PAX5: variants seen among roughly 807,000 people sequenced by gnomAD.
PAX5 encodes the protein paired box protein Pax-5.
A neutral mutation model predicts 43.7 loss-of-function variants in PAX5; 9 were observed. The observed-to-expected ratio is 0.21, with a 90% confidence interval of 0.12 to 0.36. PAX5 has a LOEUF of 0.36. PAX5 is among the 10% of genes least tolerant of loss of function. The probability of loss-of-function intolerance (pLI) is 1.00; values close to 1 mark genes in which losing one functional copy is unlikely to be tolerated. For synonymous variants in PAX5, 228 were observed against 214.3 expected (o/e 1.06, Z -0.56); for missense variants, 383 against 532.7 (o/e 0.72, Z 2.77).
chr9:36,899,074 A>G (rs1263640190), intron 7 of PAX5, among the ~76,000 whole-genome samples: 2 of 152,226 alleles, frequency 1.3e-5, no homozygotes, highest in Non-Finnish European at 2.9e-5. Context: ...CTGGGGTGGT[A>G]TAGGTTCCAG....
intron 5 of PAX5, among the ~76,000 whole-genome samples, chr9:36,974,839 G>A (rs1490863157): frequency 5.9e-5 from 9 of 151,972 alleles, no homozygotes; most frequent in Non-Finnish European, 1.0e-4. Context: ...CCGAGGCCTC[G>A]ACGACCTGCC....
Position 37,034,185 on chromosome 9 carries a change from TGGGGTAGCTGATCACTGAGC to T in PAX5, c.-174_-155del, listed in dbSNP as rs2132595760. The T allele has an allele frequency of 1.7e-6, 1 of 587,540 alleles. No homozygotes were observed. The highest frequency in any genetic ancestry group is 2.1e-5 in the South Asian group (1 of 46,908). The allele number at this position is 587,540 out of a possible 1,614,324, so 36.4% of individuals were successfully genotyped here. A position where few individuals can be genotyped will look rare whatever the true frequency, so the allele number is the denominator to read the frequency against. On this transcript the variant is annotated 5_prime_UTR_variant, in exon 1 of 10. Transcript: ENST00000358127. ...CAAGCCTTCCGCTCCCCCGCCGAGC[TGGGGTAGCTGATCACTGAGC>T]TGAAACTAAACGTTTTAGGTGGAAA...
At chr9:36,961,256 G>A (rs1833953332) in intron 6 of PAX5, among the ~76,000 whole-genome samples, 1 of 152,228 alleles carries the variant, frequency 6.6e-6, no homozygotes, top group South Asian at 2.1e-4. Context: ...CCACTGAGGG[G>A]GCAAAGCAGC....
intron 6 of PAX5, among the ~76,000 whole-genome samples, chr9:36,946,029 C>T (rs1284463100): frequency 6.6e-6 from 1 of 152,194 alleles, no homozygotes; most frequent in South Asian, 2.1e-4. Context: ...CCTAAAGGAA[C>T]AGCACGCAGG....
chr9:36,989,136 C>T (rs1196858232), intron 5 of PAX5, among the ~76,000 whole-genome samples: 1 of 152,166 alleles, frequency 6.6e-6, no homozygotes, highest in Non-Finnish European at 1.5e-5. Flanking sequence ...ATGGCGTACC[C>T]CTGAGTGATG....
chr9:36,986,829 C>G (rs1351750153), intron 5 of PAX5, among the ~76,000 whole-genome samples: 2 of 152,342 alleles, frequency 1.3e-5, no homozygotes, highest in East Asian at 3.9e-4. Context: ...TGGGATATGA[C>G]TCGGTGCGCC....
chr9:36,922,449 T>C lies in PAX5; in HGVS notation c.910+906A>G, dbSNP rs373324061. Among the ~76,000 whole-genome samples the C allele has an allele frequency of 3.3e-5, 5 of 152,284 alleles. No homozygotes were observed. The East Asian group carries it at 9.7e-4, about 29-fold the overall frequency. Reference sequence around the variant, plus strand: ...CCTGCCCGGTTGGACAACCAAGAGCTGGCAGCTGAGTCTGTCCACATGGAG... The same window carrying C: ...CCTGCCCGGTTGGACAACCAAGAGCCGGCAGCTGAGTCTGTCCACATGGAG... On this transcript the variant is annotated intron_variant, in intron 7 of 9. Coordinates refer to ENST00000358127, the MANE Select transcript of PAX5 (RefSeq NM_016734.3).
At chr9:36,961,740 C>T (rs532782539) in intron 6 of PAX5, among the ~76,000 whole-genome samples, 31 of 152,278 alleles carry the variant, frequency 2.0e-4, no homozygotes, top group East Asian at 7.7e-4. Context: ...CCAACAGGAG[C>T]GCTGCGCCGA....
chr9:37,025,471 G>A (rs963766980), intron 1 of PAX5, among the ~76,000 whole-genome samples: 8 of 152,198 alleles, frequency 5.3e-5, no homozygotes, highest in African/African-American at 1.9e-4. Flanking sequence ...CTCCTAGCCC[G>A]GGAGCAACTC....
In PAX5 at chr9:36,834,288, G is replaced by A. The variant is rs975622380; in HGVS notation, c.*6272C>T. 1.3e-4 allele frequency: 31 copies of A among 233,308 alleles called. No homozygotes were observed. In the East Asian group the frequency reaches 1.7e-3, roughly 13 times the overall value. 14.5% of individuals were successfully genotyped at this position (233,308 alleles called of 1,614,324 possible). ...ATGGGCCTGCCTCTTCCTGAGCCCC[G>A]GGACAGGCTGCTGCCGGGTCTGCTC... On this transcript the variant is annotated 3_prime_UTR_variant, in exon 10 of 10. Transcript: ENST00000358127.
chr9:36,997,913 G>C (rs1837525782), intron 5 of PAX5, among the ~76,000 whole-genome samples: 1 of 152,232 alleles, frequency 6.6e-6, no homozygotes, highest in African/African-American at 2.4e-5. Flanking sequence ...TGCAGACACA[G>C]TACTGGCACA....
chr9:37,010,444 A>T (rs1415005182), intron 3 of PAX5, among the ~76,000 whole-genome samples: 1 of 152,226 alleles, frequency 6.6e-6, no homozygotes, highest in Non-Finnish European at 1.5e-5. Context: ...CATTCAAAGG[A>T]AGCGCGGTCC....
At chr9:36,977,213 GATGTC>G (rs1052769654) in intron 5 of PAX5, among the ~76,000 whole-genome samples, 1 of 149,342 alleles carries the variant, frequency 6.7e-6, no homozygotes, top group Admixed American at 6.8e-5. Flanking sequence ...AAAACCCTAA[GATGTC>G]AAGTCTGTTA....
chr9:36,924,626 G>A (rs991920902), intron 6 of PAX5, among the ~76,000 whole-genome samples: 3 of 151,050 alleles, frequency 2.0e-5, no homozygotes, highest in African/African-American at 7.3e-5. Flanking sequence ...AAGCTGAGGC[G>A]GGAAGATCGA....
At chr9:37,033,943 T>A in intron 1 of PAX5, 43 bp downstream of exon 1, 1 of 1,601,744 alleles carries the variant, frequency 6.2e-7, no homozygotes, top group Non-Finnish European at 8.5e-7. Flanking sequence ...GGCCTGGCCG[T>A]GTCCCGGAGT....
intron 7 of PAX5, among the ~76,000 whole-genome samples, chr9:36,887,171 C>T (rs1826972512): frequency 6.6e-6 from 1 of 152,196 alleles, no homozygotes; most frequent in African/African-American, 2.4e-5. Context: ...AATGTTTCCC[C>T]TCGAGGGGAC....
intron 8 of PAX5, among the ~76,000 whole-genome samples, chr9:36,867,842 T>C (rs531328109): frequency 6.6e-6 from 1 of 152,346 alleles, no homozygotes; most frequent in African/African-American, 2.4e-5. Flanking sequence ...AAAATTCATT[T>C]GTTCAGGGTC....
intron 7 of PAX5, among the ~76,000 whole-genome samples, chr9:36,907,943 G>A (rs1828955580): frequency 6.6e-6 from 1 of 152,118 alleles, no homozygotes; most frequent in African/African-American, 2.4e-5. Flanking sequence ...CAATTAAAAA[G>A]GAATTATTCA....
chr9:36,863,200 G>A (rs1477453139), intron 8 of PAX5, among the ~76,000 whole-genome samples: 1 of 152,208 alleles, frequency 6.6e-6, no homozygotes, highest in Admixed American at 6.5e-5. Flanking sequence ...AAAACGTAAG[G>A]ATAAGTCCAA....
Sources: allele counts gnomAD v4.1 joint callset (sites outside exome capture counted in the v4.1 genomes callset), GRCh38; gene constraint gnomAD v4.1.1; transcripts MANE v1.5; gene names NCBI Gene and HGNC (gene_info 2026-07-23, HGNC 2026-07-21).